Variants in ADAMTS17 observed in about 807,000 individuals in gnomAD.
ADAMTS17 encodes ADAM metallopeptidase with thrombospondin type 1 motif 17, also known as A disintegrin and metalloproteinase with thrombospondin motifs 17.
A neutral mutation model predicts 141.5 loss-of-function variants in ADAMTS17; 113 were observed. The observed-to-expected ratio is 0.80, with a 90% confidence interval of 0.69 to 0.93. The LOEUF is 0.93. ADAMTS17 is among the 40% of genes least tolerant of loss of function. The pLI is 0.00. For missense variants in ADAMTS17, 1,659 were observed against 1,517.9 expected (o/e 1.09, Z -1.54); for synonymous variants, 768 against 630.6 (o/e 1.22, Z -3.27).
At chr15:100,124,737 A>G (rs774504267) in intron 12 of ADAMTS17, among the ~76,000 whole-genome samples, 1 of 145,148 alleles carries the variant, frequency 6.9e-6, no homozygotes, top group Non-Finnish European at 1.5e-5. Flanking sequence ...AAAATAAGCA[A>G]AAGAGTAAGG....
intron 7 of ADAMTS17, among the ~76,000 whole-genome samples, chr15:100,223,655 AC>A (rs2042204727): frequency 6.6e-6 from 1 of 151,830 alleles, no homozygotes; most frequent in Non-Finnish European, 1.5e-5. Context: ...AGAACTTCAC[AC>A]ACACACACCC....
chr15:100,011,001 G>A (rs1470431215), intron 18 of ADAMTS17, among the ~76,000 whole-genome samples: 1 of 152,032 alleles, frequency 6.6e-6, no homozygotes, highest in African/African-American at 2.4e-5. Flanking sequence ...GTGAATGTGC[G>A]CGTCTCCGGA....
intron 17 of ADAMTS17, among the ~76,000 whole-genome samples, chr15:100,049,615 A>G (rs966376283): frequency 1.3e-5 from 2 of 152,214 alleles, no homozygotes; most frequent in Non-Finnish European, 2.9e-5. Flanking sequence ...AGGTGTTCCC[A>G]GAGCACCCTA....
At chr15:100,189,900 C>A (rs900395468) in intron 8 of ADAMTS17, among the ~76,000 whole-genome samples, 12 of 152,208 alleles carry the variant, frequency 7.9e-5, no homozygotes, top group Admixed American at 2.0e-4. Flanking sequence ...CCCAGCTTCT[C>A]CCAGTGGTTG....
chr15:100,024,150 G>A (rs1456092867), intron 18 of ADAMTS17, among the ~76,000 whole-genome samples: 1 of 152,192 alleles, frequency 6.6e-6, no homozygotes, highest in Non-Finnish European at 1.5e-5. Context: ...CTGGAGGGCA[G>A]TGGTACAATT....
At chr15:100,186,858 TG>T (rs1259221770) in intron 8 of ADAMTS17, among the ~76,000 whole-genome samples, 1 of 152,244 alleles carries the variant, frequency 6.6e-6, no homozygotes, top group Non-Finnish European at 1.5e-5. Context: ...TGAGCCATTC[TG>T]GAATGTTTCC....
chr15:100,185,049 T>C (rs1281917796), intron 8 of ADAMTS17, among the ~76,000 whole-genome samples: 1 of 152,210 alleles, frequency 6.6e-6, no homozygotes, highest in East Asian at 1.9e-4. Flanking sequence ...ATGCCTAACA[T>C]GGACAGTGCA....
intron 12 of ADAMTS17, among the ~76,000 whole-genome samples, chr15:100,120,129 G>T (rs1309450204): frequency 1.3e-5 from 2 of 152,158 alleles, no homozygotes; most frequent in African/African-American, 4.8e-5. Flanking sequence ...AATGATGTCG[G>T]GAAGAGAGCT....
chr15:100,049,985 T>C (rs2032015635), intron 17 of ADAMTS17, among the ~76,000 whole-genome samples: 1 of 152,138 alleles, frequency 6.6e-6, no homozygotes, highest in South Asian at 2.1e-4. Context: ...AGAGTGACAA[T>C]AAAAGATTAA....
At chr15:100,011,420 AAAGGGAGGAATGAGGAAAGGAAAAGAAGG>A (rs1316567602) in intron 18 of ADAMTS17, among the ~76,000 whole-genome samples, 12 of 117,382 alleles carry the variant, frequency 1.0e-4, no homozygotes, top group African/African-American at 4.0e-4. Context: ...AGGAAAGAAG[AAAGGGAGGAATGAGGAAAGGAAAAGAAGG>A]AAGGAAGGAA....
rs2141537047 is a variant in ADAMTS17, at chr15:100,041,141, A to G, written c.2591+7716T>C. Among the ~76,000 whole-genome samples, 4 of 152,324 alleles carry G rather than the reference A, an allele frequency of 2.6e-5. 1 individual carries two copies. Among genetic ancestry groups the G allele is most frequent in the Middle Eastern group, 3.4e-3 (1 of 294 alleles). ...AGGGATTCCATTCCATTTTAACCCC[A>G]AATAAGGCCAGCCTGATTAAGATAA... On this transcript the variant is annotated intron_variant, in intron 18 of 21. Transcript: ENST00000268070.
chr15:100,097,794 C>T (rs568179350), intron 14 of ADAMTS17, among the ~76,000 whole-genome samples: 38 of 152,320 alleles, frequency 2.5e-4, no homozygotes, highest in South Asian at 6.2e-4. Context: ...CGATGAGAAC[C>T]GCTGCATCAT....
rs78953145 is a variant in ADAMTS17 at position 100,164,096 on chromosome 15, T to C, written c.1182-8776A>G. On this transcript the variant is annotated intron_variant, in intron 8 of 21. Transcript: ENST00000268070. ...ACAGTATCAGGCACCAGGCGCTAGC[T>C]GCTTAGTCTCCCGTATTCAGCACAC... 8.5e-3 allele frequency among the ~76,000 whole-genome samples: 1,287 copies of C among 152,270 alleles called. 9 individuals carry two copies. The highest frequency in any genetic ancestry group is 0.016 in the South Asian group (79 of 4,828).
intron 3 of ADAMTS17, among the ~76,000 whole-genome samples, chr15:100,299,941 A>G (rs2044969645): frequency 6.6e-6 from 1 of 152,208 alleles, no homozygotes; most frequent in South Asian, 2.1e-4. Context: ...TCTTGTGCTG[A>G]GAAGGGCACC....
At chr15:100,051,974 AAG>A (rs1323923711) in intron 16 of ADAMTS17, among the ~76,000 whole-genome samples, 2 of 152,198 alleles carry the variant, frequency 1.3e-5, no homozygotes, top group Non-Finnish European at 2.9e-5. Context: ...TTTCCTACCC[AAG>A]AGAGAGACCA....
At chr15:100,307,319 G>C (rs990814721) in intron 3 of ADAMTS17, among the ~76,000 whole-genome samples, 1 of 152,152 alleles carries the variant, frequency 6.6e-6, no homozygotes, top group African/African-American at 2.4e-5. Context: ...TTGGTGTGAC[G>C]GGGTTCACAG....
chr15:100,216,619 A>G (rs769454766), intron 7 of ADAMTS17, among the ~76,000 whole-genome samples: 4 of 152,136 alleles, frequency 2.6e-5, no homozygotes, highest in Non-Finnish European at 5.9e-5. Context: ...GACTGCCTTT[A>G]AAGACAAGCT....
chr15:99,974,345 C>G lies in ADAMTS17; in HGVS notation c.*57G>C, dbSNP rs545799185. On this transcript the variant is annotated 3_prime_UTR_variant, in exon 22 of 22. Coordinates refer to ENST00000268070, the MANE Select transcript of ADAMTS17 (RefSeq NM_139057.4). Reference sequence around the variant, plus strand: ...CGTGGCCACAAGGCTGGTAGGCTTGCGGGTGGGTGGGTTTCAGACCTGAGT... The same window carrying G: ...CGTGGCCACAAGGCTGGTAGGCTTGGGGGTGGGTGGGTTTCAGACCTGAGT... 3.7e-6 allele frequency: 6 copies of G among 1,610,174 alleles called. No individual in the cohort carries two copies. The Admixed American group carries it at 6.7e-5, about 18-fold the overall frequency.
At chr15:100,135,224 C>T (rs1342820936) in intron 10 of ADAMTS17, among the ~76,000 whole-genome samples, 1 of 151,326 alleles carries the variant, frequency 6.6e-6, no homozygotes, top group Admixed American at 6.6e-5. Context: ...TTAAACAGAA[C>T]ACAAAAAGGA....
Sources: allele counts gnomAD v4.1 joint callset (sites outside exome capture counted in the v4.1 genomes callset), GRCh38; gene constraint gnomAD v4.1.1; transcripts MANE v1.5; gene names NCBI Gene and HGNC (gene_info 2026-07-23, HGNC 2026-07-21).